Variants in MAP2 observed in about 807,000 individuals in gnomAD.
The protein encoded by MAP2 is microtubule associated protein 2.
Under a neutral mutation model 137.6 loss-of-function variants are expected in MAP2, and 14 were observed. That is an observed-to-expected ratio of 0.10 (90% CI 0.07 to 0.16). The LOEUF (loss-of-function observed/expected upper bound fraction) is 0.16. Ranked by LOEUF, MAP2 falls within the 10% of genes least tolerant of loss-of-function variation. The pLI, the probability that MAP2 is intolerant of heterozygous loss-of-function variation, is 1.00. For missense variants in MAP2, 2,088 were observed against 2,191.5 expected (o/e 0.95, Z 0.94); for synonymous variants, 786 against 782.3 (o/e 1.00, Z -0.08).
chr2:209,631,337 C>G (rs1466761179), intron 4 of MAP2, among the ~76,000 whole-genome samples: 3 of 152,110 alleles, frequency 2.0e-5, no homozygotes, highest in Non-Finnish European at 4.4e-5. Flanking sequence ...GACCACTCTT[C>G]TACAAAACTT....
Position 209,675,707 on chromosome 2 carries a change from T to TA in MAP2, c.263-2864dup, listed in dbSNP as rs971543256. ...CCTAAGATACAATCCCAAAGAAAAA[T>TA]ACTGAAATAATGTAGAGTTGCTCAG... On this transcript the variant is annotated intron_variant, in intron 5 of 15. Coordinates refer to ENST00000682079, the MANE Select transcript of MAP2 (RefSeq NM_001375505.1). Among the ~76,000 whole-genome samples the TA allele has an allele frequency of 2.2e-4, 33 of 151,818 alleles. No individual in the cohort carries two copies. The Middle Eastern group carries it at 0.014, about 63-fold the overall frequency.
Position 209,693,451 on chromosome 2 carries a change from C to T in MAP2, c.1281C>T (p.Thr427=). 1.9e-6 allele frequency: 3 copies of T among 1,613,932 alleles called. No individual in the cohort carries two copies. The highest frequency in any genetic ancestry group is 2.5e-6 in the Non-Finnish European group (3 of 1,179,994). ...CTGTGCAGCAAAGGGATACTTTCAC[C>T]CCCAGTGGACAGGAACCTATACTTA... The part of the protein sequence containing the change: ...QETVQQRDTF[T]PSGQEPILTE... The change falls in exon 8 of 16, where the codon ACC becomes ACT. Residue 427 remains threonine, a synonymous_variant. Coordinates refer to ENST00000682079, the MANE Select transcript of MAP2 (RefSeq NM_001375505.1).
At chr2:209,426,737 T>G (rs2149236716) in intron 1 of MAP2, among the ~76,000 whole-genome samples, 1 of 152,318 alleles carries the variant, frequency 6.6e-6, no homozygotes, top group African/African-American at 2.4e-5. Flanking sequence ...AAAGGGATAT[T>G]TTCTCTTTTA....
chr2:209,628,026 C>T (rs2092576114), intron 4 of MAP2, among the ~76,000 whole-genome samples: 1 of 152,102 alleles, frequency 6.6e-6, no homozygotes, highest in South Asian at 2.1e-4. Flanking sequence ...AACACATGTA[C>T]TTCTAAATGT....
intron 1 of MAP2, among the ~76,000 whole-genome samples, chr2:209,469,547 C>T (rs1212295641): frequency 6.6e-6 from 1 of 152,004 alleles, no homozygotes; most frequent in African/African-American, 2.4e-5. Context: ...TTTCCATCTC[C>T]ATCTTGTTAG....
Position 209,693,317 on chromosome 2 carries a change from C to T in MAP2, c.1147C>T (p.Pro383Ser), listed in dbSNP as rs764751130. 1.9e-6 allele frequency: 3 copies of T among 1,613,910 alleles called. No individual in the cohort carries two copies. Among genetic ancestry groups the T allele is most frequent in the Admixed American group, 1.7e-5 (1 of 59,976 alleles). The stretch of plus-strand genomic sequence containing the variant: ...TAAACCTGACAAAATGGCAGAAGCA[C>T]CACCCTCAGAGGCAATGACCTTACC... ...EAKPDKMAEA[P>S]PSEAMTLPKD... The change falls in exon 8 of 16, where the codon CCA becomes TCA. Residue 383 changes from proline (P) to serine (S), a missense_variant. Transcript: ENST00000682079.
At chr2:209,525,615 A>G (rs2063916772) in intron 2 of MAP2, among the ~76,000 whole-genome samples, 2 of 152,176 alleles carry the variant, frequency 1.3e-5, no homozygotes, top group African/African-American at 2.4e-5. Flanking sequence ...AAAAGATATC[A>G]TAGTGTAGTT....
chr2:209,524,001 C>T (rs562165607), intron 2 of MAP2, among the ~76,000 whole-genome samples: 5 of 152,180 alleles, frequency 3.3e-5, no homozygotes, highest in Admixed American at 3.3e-4. Flanking sequence ...ACCATTTTTA[C>T]TTCCCCCATT....
At chr2:209,704,627 C>G (rs778919948) in intron 11 of MAP2, 3 of 1,581,718 alleles carry the variant, frequency 1.9e-6, no homozygotes, top group Non-Finnish European at 2.6e-6. Flanking sequence ...CAAGGTAAGG[C>G]GGCAGGTCAA....
chr2:209,449,565 TAA>T (rs141783661), intron 1 of MAP2, among the ~76,000 whole-genome samples: 14,410 of 152,034 alleles, frequency 0.095, 1,466 homozygotes, highest in African/African-American at 0.26. Context: ...TATATATATA[TAA>T]AATATAGAAA....
rs143141412 is a variant in MAP2, at chr2:209,732,769, A to C, written c.*2372A>C. The C allele has an allele frequency of 1.3e-5, 2 of 152,808 alleles. No individual in the cohort carries two copies. The highest frequency in any genetic ancestry group is 4.8e-5 in the African/African-American group (2 of 41,592). The allele number at this position is 152,808 out of a possible 1,614,324, so 9.5% of individuals were successfully genotyped here. ...TTATTACAAATACATGTCAAAAATAAAGATTATACAAGGCACCAAACTACT... is the reference window on the plus strand; with the variant it reads ...TTATTACAAATACATGTCAAAAATACAGATTATACAAGGCACCAAACTACT... On this transcript the variant is annotated 3_prime_UTR_variant, in exon 16 of 16. Coordinates refer to ENST00000682079, the MANE Select transcript of MAP2 (RefSeq NM_001375505.1).
In MAP2 at chr2:209,574,483, TTATC is replaced by T. The variant is rs59012393; in HGVS notation, c.-171-5552_-171-5549del. Among the ~76,000 whole-genome samples the T allele has an allele frequency of 5.3e-3, 797 of 149,682 alleles. 7 individuals are homozygous for T. The highest frequency in any genetic ancestry group is 0.02 in the African/African-American group (775 of 39,218). ...CACAGACACAGAGATTATGGTTTCT[TTATC>T]CATTCATCCATCTACAGACACTTAG... is the stretch of plus-strand genomic sequence containing the variant. On this transcript the variant is annotated intron_variant, in intron 2 of 15. Coordinates refer to ENST00000682079, the MANE Select transcript of MAP2 (RefSeq NM_001375505.1).
intron 1 of MAP2, among the ~76,000 whole-genome samples, chr2:209,502,400 T>C (rs2060492377): frequency 6.6e-6 from 1 of 152,192 alleles, no homozygotes; most frequent in Non-Finnish European, 1.5e-5. Context: ...GGTTTTTTCA[T>C]GTTGTTGCAA....
At chr2:209,648,254 A>C (rs1482373027) in intron 4 of MAP2, among the ~76,000 whole-genome samples, 1 of 151,822 alleles carries the variant, frequency 6.6e-6, no homozygotes, top group Non-Finnish European at 1.5e-5. Flanking sequence ...GGCACACACC[A>C]CCACACCCAG....
intron 3 of MAP2, among the ~76,000 whole-genome samples, chr2:209,604,317 T>C (rs745693615): frequency 2.0e-5 from 3 of 152,166 alleles, no homozygotes; most frequent in Non-Finnish European, 4.4e-5. Context: ...TCTGCACTAA[T>C]CCAGATGAGC....
At chr2:209,470,336 C>T (rs1575573863) in intron 1 of MAP2, among the ~76,000 whole-genome samples, 1 of 151,998 alleles carries the variant, frequency 6.6e-6, no homozygotes, top group African/African-American at 2.4e-5. Flanking sequence ...ATTTATCTAG[C>T]CAAGCGTATT....
At chr2:209,724,914 GA>G (rs1221045119) in intron 13 of MAP2, among the ~76,000 whole-genome samples, 3 of 152,202 alleles carry the variant, frequency 2.0e-5, no homozygotes, top group African/African-American at 7.2e-5. Context: ...CACCTAAGTG[GA>G]AAAGGATAAA....
At chr2:209,578,741 A>T (rs1267676367) in intron 2 of MAP2, among the ~76,000 whole-genome samples, 1 of 152,196 alleles carries the variant, frequency 6.6e-6, no homozygotes, top group Non-Finnish European at 1.5e-5. Flanking sequence ...TAAAATAGGG[A>T]TATTCAACTG....
chr2:209,534,254 A>G (rs1270061820), intron 2 of MAP2, among the ~76,000 whole-genome samples: 1 of 152,228 alleles, frequency 6.6e-6, no homozygotes, highest in African/African-American at 2.4e-5. Context: ...CCTTACAACA[A>G]GTTGGTTACT....
Sources: gnomAD v4.1 joint callset for allele counts (sites outside exome capture counted in the v4.1 genomes callset) on GRCh38, gnomAD v4.1.1 for gene constraint, MANE v1.5 for transcripts, NCBI Gene and HGNC (gene_info 2026-07-23, HGNC 2026-07-21) for gene names.